Variants in TJP1 observed in about 807,000 individuals in gnomAD.
TJP1 encodes tight junction protein ZO-1.
A neutral mutation model predicts 194.2 loss-of-function variants in TJP1; 43 were observed. The ratio of observed to expected loss-of-function variants is 0.22; its 90% CI spans 0.17 to 0.29. The LOEUF (loss-of-function observed/expected upper bound fraction) is 0.29. Ranked by LOEUF, TJP1 falls within the 10% of genes least tolerant of loss-of-function variation. The pLI is 1.00. For synonymous variants in TJP1, 801 were observed against 779.0 expected (o/e 1.03, Z -0.47); for missense variants, 1,971 against 2,185.7 (o/e 0.90, Z 1.96).
At chr15:29,906,945 A>G (rs1006181691) in intron 2 of TJP1, among the ~76,000 whole-genome samples, 3 of 152,154 alleles carry the variant, frequency 2.0e-5, no homozygotes, top group Non-Finnish European at 2.9e-5. Flanking sequence ...GAAAAAGCAG[A>G]ATATAAAAAT....
rs773816802 is a variant in TJP1 at position 29,701,645 on chromosome 15, T to C, written c.5257A>G (p.Asn1753Asp). ...WQNKCLPGDP[N>D]YLVGANCVSV... ...ACACAGTTTGCTCCAACGAGATAAT[T>C]TGGATCTCCGGGAAGACACTTGTTT... Residue 1753 changes from asparagine to aspartate, a missense_variant, in exon 28 of 28, where the codon AAT becomes GAT. Asn to Asp is a conservative substitution (Grantham distance 23). This residue lies in a region of TJP1 where 1,108 missense variants were observed against 1,128.5 expected (regional missense o/e 0.98). Coordinates refer to ENST00000614355, the MANE Select transcript of TJP1 (RefSeq NM_001330239.4). The C allele has an allele frequency of 5.0e-6, 8 of 1,614,020 alleles. No homozygotes were observed. The highest frequency in any genetic ancestry group is 6.8e-6 in the Non-Finnish European group (8 of 1,180,016).
chr15:29,805,654 TAGGTTGGTGCAAAA>T (rs66850542), intron 1 of TJP1, among the ~76,000 whole-genome samples: 15,781 of 152,180 alleles, frequency 0.1, 899 homozygotes, highest in South Asian at 0.21. Context: ...AAATGGTATT[TAGGTTGGTGCAAAA>T]ATAACTGCAG....
intron 8 of TJP1, among the ~76,000 whole-genome samples, chr15:29,748,211 C>T (rs369409269): frequency 1.7e-4 from 26 of 152,292 alleles, no homozygotes; most frequent in African/African-American, 5.8e-4. Context: ...AGTATTTCAT[C>T]ATCTAAGTTA....
At chr15:29,739,505 G>A (rs1052935985) in intron 10 of TJP1, among the ~76,000 whole-genome samples, 7 of 152,008 alleles carry the variant, frequency 4.6e-5, no homozygotes, top group East Asian at 1.9e-4. Flanking sequence ...GTGCAGTGGC[G>A]CGATCTCGGC....
chr15:29,870,973 CAGCCCCAGGA>C lies in TJP1; in HGVS notation c.307-70281_307-70272del, dbSNP rs1396396581. ...CCAAGGTCACGAGGGAACTGGCGGCCAGCCCCAGGACACAGAGGGCTTCCCTCCTCCAGCC... is the reference window on the plus strand; with the variant it reads ...CCAAGGTCACGAGGGAACTGGCGGCCCACAGAGGGCTTCCCTCCTCCAGCC... On this transcript the variant is annotated intron_variant, in intron 2 of 28. Coordinates refer to the TJP1 transcript ENST00000356107. Among the ~76,000 whole-genome samples, 6 of 152,324 alleles carry C rather than the reference CAGCCCCAGGA, an allele frequency of 3.9e-5. No individual in the cohort carries two copies. In the East Asian group the frequency reaches 1.2e-3, roughly 29 times the overall value.
chr15:29,909,773 G>A (rs1365615661), intron 2 of TJP1, among the ~76,000 whole-genome samples: 2 of 151,934 alleles, frequency 1.3e-5, no homozygotes, highest in Admixed American at 6.6e-5. Flanking sequence ...CAAGCAGAAT[G>A]TCTTTATGCA....
At position 29,821,983 on chromosome 15, in the gene TJP1, C is replaced by G; in HGVS notation, c.27+19G>C. 3.1e-6 allele frequency: 4 copies of G among 1,301,740 alleles called. 1 individual carries two copies. In the South Asian group the frequency reaches 7.5e-5, roughly 24 times the overall value. 80.6% of individuals were successfully genotyped at this position (1,301,740 alleles called of 1,614,324 possible). ...GACGGTCGGCCCGGTCTGGCCCTGG[C>G]GGCCGCGGAGGCGCTCACCTTGGCG... On this transcript the variant is annotated intron_variant, in intron 1 of 27. Transcript: ENST00000614355.
intron 2 of TJP1, among the ~76,000 whole-genome samples, chr15:29,780,516 C>CTG (rs1319873555): frequency 5.3e-5 from 8 of 152,176 alleles, no homozygotes; most frequent in Non-Finnish European, 1.2e-4. Flanking sequence ...TCACCTCCTG[C>CTG]TGTGTGGCTC....
Position 29,726,838 on chromosome 15 carries a change from T to C in TJP1, c.2254A>G (p.Arg752Gly). 6.2e-7 allele frequency: 1 copy of C among 1,614,190 alleles called. No homozygotes were observed. Among genetic ancestry groups the C allele is most frequent in the Non-Finnish European group, 8.5e-7 (1 of 1,180,048 alleles). Reference sequence around the variant, plus strand: ...TTATGAGATCGCTCGTATAACTTCCTGGCACTTTTCCGAGATTCTGGACAT... The same window carrying C: ...TTATGAGATCGCTCGTATAACTTCCCGGCACTTTTCCGAGATTCTGGACAT... The part of the protein sequence containing the change: ...RLCPESRKSA[R>G]KLYERSHKLR... The change falls in exon 17 of 28, where the codon AGG becomes GGG. Residue 752 changes from arginine to glycine, a missense_variant. Physicochemically the swap from Arg to Gly is moderately radical, Grantham distance 125. Transcript: ENST00000614355.
At chr15:29,714,550 T>C (rs2042437214) in intron 23 of TJP1, among the ~76,000 whole-genome samples, 1 of 139,870 alleles carries the variant, frequency 7.1e-6, no homozygotes, top group Admixed American at 7.2e-5. Context: ...TTTTTTTTTT[T>C]TTTTTTTTGA....
At chr15:29,773,816 CT>C (rs1223193751) in intron 2 of TJP1, among the ~76,000 whole-genome samples, 2 of 152,212 alleles carry the variant, frequency 1.3e-5, no homozygotes, top group African/African-American at 4.8e-5. Flanking sequence ...CTTTCAACAA[CT>C]TCTGCCAACT....
intron 2 of TJP1, among the ~76,000 whole-genome samples, chr15:29,943,058 T>A (rs994311278): frequency 6.6e-6 from 1 of 152,124 alleles, no homozygotes; most frequent in Non-Finnish European, 1.5e-5. Flanking sequence ...GATGAAAGAA[T>A]AAATAAAATA....
rs745383437 is a variant in TJP1 at position 29,719,955 on chromosome 15, G to A, written c.2825C>T (p.Thr942Ile). ...ATTTACATTATGATTAACAGCAGAG[G>A]TTGATGATGCTGGGTTTGTTTCAGG... The part of the protein sequence containing the change: ...LSPETNPASS[T>I]SAVNHNVNLT... The change falls in exon 20 of 28, where the codon ACC (threonine) becomes ATC (isoleucine). Residue 942 changes from threonine to isoleucine, a missense_variant. Physicochemically the swap from Thr to Ile is moderately conservative, Grantham distance 89 (BLOSUM62 -1). Around this residue, in one of 5 missense-constraint regions of TJP1, gnomAD observed 1,108 missense variants for 1,128.5 expected, o/e 0.98. Transcript: ENST00000614355. 60 of 1,614,050 alleles carry A rather than the reference G, an allele frequency of 3.7e-5. No individual in the cohort carries two copies. Among genetic ancestry groups the A allele is most frequent in the Non-Finnish European group, 4.4e-5 (52 of 1,180,042 alleles).
At chr15:29,894,840 G>A (rs539303395) in intron 2 of TJP1, among the ~76,000 whole-genome samples, 2 of 152,224 alleles carry the variant, frequency 1.3e-5, no homozygotes, top group Non-Finnish European at 2.9e-5. Flanking sequence ...CTGCCTGGGG[G>A]CTGACAAGGT....
upstream of TJP1, chr15:29,824,119 G>GAAAA (rs1567108174): frequency 2.3e-4 from 4 of 17,578 alleles, 1 homozygote; most frequent in East Asian, 6.1e-3. Context: ...AAAAAAAAAT[G>GAAAA]GTGGCCAGGC....
chr15:29,774,706 A>G (rs1171842197), intron 2 of TJP1, among the ~76,000 whole-genome samples: 1 of 152,150 alleles, frequency 6.6e-6, no homozygotes, highest in Non-Finnish European at 1.5e-5. Context: ...GGAACACGCT[A>G]AAAACCAATG....
intron 2 of TJP1, among the ~76,000 whole-genome samples, chr15:29,867,997 G>C (rs1312650488): frequency 6.7e-6 from 1 of 149,424 alleles, no homozygotes. Flanking sequence ...CAGAGAGGTT[G>C]CAGTGAGCTG....
chr15:29,701,321 T>A lies in TJP1; in HGVS notation c.*274A>T, dbSNP rs2041525091. On this transcript the variant is annotated 3_prime_UTR_variant, in exon 28 of 28. Coordinates refer to ENST00000614355, the MANE Select transcript of TJP1 (RefSeq NM_001330239.4). ...GAAATCAATATGTGAAGTTAAGCAG[T>A]GACGATAAAAAAATTACAAAAATCA... The A allele has an allele frequency of 2.9e-6, 1 of 342,710 alleles. No homozygotes were observed. The highest frequency in any genetic ancestry group is 2.0e-5 in the African/African-American group (1 of 49,052). The allele number at this position is 342,710 out of a possible 1,614,324, so 21.2% of individuals were successfully genotyped here. A position where few individuals can be genotyped will look rare whatever the true frequency, so the allele number is the denominator to read the frequency against.
At chr15:29,826,856 C>T (rs1195824463), upstream of TJP1, among the ~76,000 whole-genome samples, 1 of 152,094 alleles carries the variant, frequency 6.6e-6, no homozygotes, top group African/African-American at 2.4e-5. Context: ...TAAGGACTTT[C>T]GTTTTGGATG....
Sources: allele counts gnomAD v4.1 joint callset (sites outside exome capture counted in the v4.1 genomes callset), GRCh38; gene constraint gnomAD v4.1.1; regional missense constraint gnomAD v4.1.1; transcripts MANE v1.5; gene names NCBI Gene and HGNC (gene_info 2026-07-23, HGNC 2026-07-21).